Variants in PCDH7 observed in about 807,000 individuals in gnomAD.
PCDH7 encodes protocadherin 7.
Under a neutral mutation model 58.9 loss-of-function variants are expected in PCDH7, and 17 were observed. The ratio of observed to expected loss-of-function variants is 0.29; its 90% confidence interval spans 0.20 to 0.43. The LOEUF (loss-of-function observed/expected upper bound fraction) is 0.43. PCDH7 is among the 20% of genes least tolerant of loss of function. The probability of loss-of-function intolerance (pLI) is 1.00; values close to 1 mark genes in which losing one functional copy is unlikely to be tolerated. For missense variants in PCDH7, 1,274 were observed against 1,441.0 expected, an observed-to-expected ratio of 0.88 and a Z score of 1.88; for synonymous variants, 664 against 616.4, an observed-to-expected ratio of 1.08 and a Z score of -1.14.
intron 1 of PCDH7, among the ~76,000 whole-genome samples, chr4:30,855,834 T>C (rs1733379586): frequency 6.6e-6 from 1 of 152,136 alleles, no homozygotes; most frequent in African/African-American, 2.4e-5. Context: ...GAATCCTTCA[T>C]TGGAGGCTAT....
rs754800906 is a variant in PCDH7 at position 30,723,631 on chromosome 4, G to A, written c.2209G>A (p.Asp737Asn). The change falls in exon 1 of 2, where the codon GAC becomes AAC. Residue 737 changes from aspartate (D) to asparagine (N), a missense_variant. Coordinates refer to ENST00000361762, the Ensembl canonical transcript of PCDH7. This position sits in a 1 kb window ranked among gnomAD's most constrained non-coding sequence, Gnocchi z 4.6. ...CTCGCTTTTTGTGATGGATGAAAAT[G>A]ACAATGCTCCCACAGTTACCCTTCC... is the stretch of plus-strand genomic sequence containing the variant. The A allele has an allele frequency of 6.2e-7, 1 of 1,614,160 alleles. No individual in the cohort carries two copies. The highest frequency in any genetic ancestry group is 8.5e-7 in the Non-Finnish European group (1 of 1,180,038).
chr4:30,845,909 AATGCT>A (rs1243514555), intron 1 of PCDH7, among the ~76,000 whole-genome samples: 5 of 152,216 alleles, frequency 3.3e-5, no homozygotes, highest in African/African-American at 1.2e-4. Context: ...TTCTTATTTG[AATGCT>A]GTGAAACTAG....
intron 1 of PCDH7, among the ~76,000 whole-genome samples, chr4:30,896,097 A>G (rs1224275296): frequency 6.6e-6 from 1 of 152,176 alleles, no homozygotes; most frequent in Non-Finnish European, 1.5e-5. Context: ...CCATGACATA[A>G]CTACATATTC....
At position 30,886,517 on chromosome 4, in the gene PCDH7, T is replaced by C. The variant is rs1737796361; in HGVS notation, c.71-33636T>C. Among the ~76,000 whole-genome samples the C allele has an allele frequency of 1.4e-5, 2 of 145,686 alleles. 1 individual carries two copies. Among genetic ancestry groups the C allele is most frequent in the Admixed American group, 1.4e-4 (2 of 14,596 alleles). ...TGGAGAAATAGGAACCCTTTTACAC[T>C]GTTGGTGGGACTGTAAACTAGTTCA... On this transcript the variant is annotated intron_variant, in intron 1 of 3. Coordinates refer to the PCDH7 transcript ENST00000509759.
intron 3 of PCDH7, among the ~76,000 whole-genome samples, chr4:31,007,787 A>C (rs1194930998): frequency 1.3e-5 from 2 of 152,202 alleles, no homozygotes; most frequent in Non-Finnish European, 2.9e-5. Flanking sequence ...ATATGTATTT[A>C]TTAAATCATT....
chr4:30,880,247 G>A (rs1195465456), intron 1 of PCDH7, among the ~76,000 whole-genome samples: 1 of 150,968 alleles, frequency 6.6e-6, no homozygotes, highest in Admixed American at 6.6e-5. Flanking sequence ...AGGTGTAAGT[G>A]GTCATTATCC....
At chr4:30,913,361 T>C (rs1294384020) in intron 1 of PCDH7, among the ~76,000 whole-genome samples, 2 of 152,160 alleles carry the variant, frequency 1.3e-5, no homozygotes, top group Non-Finnish European at 2.9e-5. Flanking sequence ...GAAGTTATTA[T>C]AGTACAATTT....
At chr4:31,006,036 G>C (rs1007137291) in intron 3 of PCDH7, among the ~76,000 whole-genome samples, 1 of 152,068 alleles carries the variant, frequency 6.6e-6, no homozygotes, top group Non-Finnish European at 1.5e-5. Context: ...TAGCTGTCAG[G>C]AGAATGAAAA....
intron 3 of PCDH7, among the ~76,000 whole-genome samples, chr4:31,101,946 T>A (rs927059181): frequency 6.6e-6 from 1 of 152,192 alleles, no homozygotes; most frequent in Non-Finnish European, 1.5e-5. Flanking sequence ...AACAAACTCA[T>A]CTTTTTATGT....
At chr4:31,055,774 G>A (rs898508631) in intron 3 of PCDH7, among the ~76,000 whole-genome samples, 11 of 151,442 alleles carry the variant, frequency 7.3e-5, no homozygotes, top group African/African-American at 1.5e-4. Flanking sequence ...GCGGGGTTTC[G>A]CCATGTTAGC....
At chr4:30,992,675 A>T (rs906962274) in intron 3 of PCDH7, among the ~76,000 whole-genome samples, 2 of 152,152 alleles carry the variant, frequency 1.3e-5, no homozygotes, top group Non-Finnish European at 2.9e-5. Flanking sequence ...ACCAGAAGAG[A>T]CAGAAAAAAT....
intron 3 of PCDH7, among the ~76,000 whole-genome samples, chr4:31,137,392 G>C (rs1719736500): frequency 6.6e-6 from 1 of 152,182 alleles, no homozygotes; most frequent in Admixed American, 6.5e-5. Context: ...AGACCAGCCT[G>C]GCCAACATGG....
intron 1 of PCDH7, among the ~76,000 whole-genome samples, chr4:30,804,589 T>G (rs764631202): frequency 6.6e-6 from 1 of 151,504 alleles, no homozygotes; most frequent in Non-Finnish European, 1.5e-5. Context: ...TGAGTTTAAG[T>G]TTTATTCTGC....
chr4:30,976,040 GT>G (rs1387056412), intron 3 of PCDH7, among the ~76,000 whole-genome samples: 3 of 152,146 alleles, frequency 2.0e-5, no homozygotes, highest in African/African-American at 7.2e-5. Context: ...GATTTCCCTG[GT>G]TACAAAATGC....
intron 1 of PCDH7, among the ~76,000 whole-genome samples, chr4:30,780,986 G>C (rs1212499057): frequency 6.6e-6 from 1 of 152,088 alleles, no homozygotes; most frequent in Non-Finnish European, 1.5e-5. Flanking sequence ...AAAAATGTAA[G>C]AGCCAAGTAA....
intron 3 of PCDH7, among the ~76,000 whole-genome samples, chr4:31,100,813 T>C (rs1036832278): frequency 1.3e-5 from 2 of 152,138 alleles, no homozygotes; most frequent in African/African-American, 4.8e-5. Flanking sequence ...TATAGAAAAA[T>C]ACTGTTTTAT....
At chr4:30,858,102 T>A (rs2109351881) in intron 1 of PCDH7, among the ~76,000 whole-genome samples, 1 of 152,286 alleles carries the variant, frequency 6.6e-6, no homozygotes, top group South Asian at 2.1e-4. Context: ...ACATATGAAC[T>A]TTTGCCTACA....
At chr4:31,096,153 G>A (rs1005980412) in intron 3 of PCDH7, among the ~76,000 whole-genome samples, 2 of 152,132 alleles carry the variant, frequency 1.3e-5, no homozygotes, top group East Asian at 3.9e-4. Flanking sequence ...TAGGCCCCAA[G>A]TTATTGCCAA....
chr4:30,891,074 A>T (rs1311676145), intron 1 of PCDH7, among the ~76,000 whole-genome samples: 1 of 152,062 alleles, frequency 6.6e-6, no homozygotes, highest in Non-Finnish European at 1.5e-5. Context: ...CTGAATTTTT[A>T]TCACCTTCTC....
Sources: gnomAD v4.1 joint callset for allele counts (sites outside exome capture counted in the v4.1 genomes callset) on GRCh38, gnomAD v4.1.1 for gene constraint, Gnocchi (gnomAD v3.1) non-coding constraint, MANE v1.5 for transcripts, NCBI Gene and HGNC (gene_info 2026-07-23, HGNC 2026-07-21) for gene names.